Variants in WDR64 observed in about 807,000 individuals in gnomAD.
WDR64 encodes WD repeat-containing protein 64.
WDR64 carries 112 observed loss-of-function variants against 139.3 expected under a neutral mutation model. The observed-to-expected ratio is 0.80, with a 90% CI of 0.69 to 0.94. WDR64 has a LOEUF of 0.94. Among genes scored for constraint, WDR64 ranks in the 40% least tolerant of loss-of-function variants. The pLI is 0.00. For missense variants in WDR64, 1,206 were observed against 1,293.1 expected (o/e 0.93, Z 1.03); for synonymous variants, 444 against 437.7 (o/e 1.01, Z -0.18).
chr1:241,801,825 T>G lies in WDR64; in HGVS notation c.*610T>G, dbSNP rs1025800969. ...ATGGGTCATAGAAATAGAAAAAGCA[T>G]AGTAACATGGTAGATTTAACCTTAA... is the stretch of plus-strand genomic sequence containing the variant. On this transcript the variant is annotated 3_prime_UTR_variant, in exon 28 of 28. Coordinates refer to ENST00000437684, the MANE Select transcript of WDR64 (RefSeq NM_001367482.1). 2.0e-4 allele frequency: 78 copies of G among 398,076 alleles called. No individual in the cohort carries two copies. Among genetic ancestry groups the G allele is most frequent in the Non-Finnish European group, 3.3e-4 (74 of 225,906 alleles). 24.7% of individuals were successfully genotyped at this position (398,076 alleles called of 1,614,324 possible). A position where few individuals can be genotyped will look rare whatever the true frequency, so the allele number is the denominator to read the frequency against.
rs377324586 is a variant in WDR64, at chr1:241,790,941, AAG to A, written c.2997+251_2997+252del. Among the ~76,000 whole-genome samples the A allele has an allele frequency of 5.3e-3, 808 of 152,200 alleles. 9 individuals carry two copies. Among genetic ancestry groups the A allele is most frequent in the African/African-American group, 0.019 (769 of 41,506 alleles). Reference sequence around the variant, plus strand: ...AGCTGAGTTTCTTTCTGAAGGTTGTAAGAGAGAAGACCGTATTCCTTAGCTTT... The same window carrying A: ...AGCTGAGTTTCTTTCTGAAGGTTGTAAGAGAAGACCGTATTCCTTAGCTTT... On this transcript the variant is annotated intron_variant, in intron 25 of 27. Coordinates refer to ENST00000437684, the MANE Select transcript of WDR64 (RefSeq NM_001367482.1).
intron 8 of WDR64, among the ~76,000 whole-genome samples, chr1:241,708,722 T>TTTTTTTTG (rs1441820330): frequency 7.3e-6 from 1 of 137,594 alleles, no homozygotes; most frequent in Admixed American, 7.4e-5. Flanking sequence ...GTTTTTTTTT[T>TTTTTTTTG]TAAGGATTGG....
intron 25 of WDR64, among the ~76,000 whole-genome samples, chr1:241,793,029 G>A (rs1659252952): frequency 6.6e-6 from 1 of 152,108 alleles, no homozygotes; most frequent in Non-Finnish European, 1.5e-5. Flanking sequence ...TTCATAAACT[G>A]GAATACTATA....
chr1:241,690,073 C>T (rs1182938709), intron 8 of WDR64, among the ~76,000 whole-genome samples: 1 of 152,082 alleles, frequency 6.6e-6, no homozygotes, highest in African/African-American at 2.4e-5. Flanking sequence ...TAAAATGAGA[C>T]ACCAAACCCC....
intron 20 of WDR64, 47 bp from the exon 21 acceptor site, chr1:241,775,058 G>C (rs1012621048): frequency 7.1e-7 from 1 of 1,414,416 alleles, no homozygotes; most frequent in African/African-American, 1.4e-5. Flanking sequence ...GATTTTATAA[G>C]ACTTACTAGC....
intron 10 of WDR64, among the ~76,000 whole-genome samples, chr1:241,730,721 G>T (rs905040526): frequency 2.6e-5 from 4 of 152,166 alleles, no homozygotes; most frequent in African/African-American, 9.7e-5. Flanking sequence ...CCTGCTAAAT[G>T]CTTGAGAGTG....
intron 27 of WDR64, among the ~76,000 whole-genome samples, chr1:241,798,613 C>T (rs897765924): frequency 6.6e-6 from 1 of 152,120 alleles, no homozygotes; most frequent in Admixed American, 6.5e-5. Flanking sequence ...AGAAATTTCA[C>T]TTTTATGAAA....
chr1:241,745,974 A>G (rs767046634), intron 13 of WDR64, among the ~76,000 whole-genome samples: 5 of 152,250 alleles, frequency 3.3e-5, no homozygotes, highest in Non-Finnish European at 7.3e-5. Flanking sequence ...TGCATAACCC[A>G]GCAATGTATG....
At chr1:241,682,036 G>C (rs893568252) in intron 6 of WDR64, among the ~76,000 whole-genome samples, 3 of 152,050 alleles carry the variant, frequency 2.0e-5, no homozygotes, top group Non-Finnish European at 4.4e-5. Flanking sequence ...TTAGTCCTTT[G>C]TCAGATGTAG....
rs559749589 is a variant in WDR64, at chr1:241,783,348, T to C, written c.2672T>C (p.Val891Ala). The change falls in exon 23 of 28, where the codon GTG (valine) becomes GCG (alanine). Residue 891 changes from valine to alanine, a missense_variant. Physicochemically the swap from Val to Ala is moderately conservative, Grantham distance 64 (BLOSUM62 0). Coordinates refer to ENST00000437684, the MANE Select transcript of WDR64 (RefSeq NM_001367482.1). ...GTAATCTATGTAGAAGAAAAACAAG[T>C]GGTACTTACTGCCTCCATCGATGGC... ...IQVIYVEEKQVVLTASIDGSV... is the reference protein window; with the variant it reads ...IQVIYVEEKQAVLTASIDGSV... 34 of 1,614,058 alleles carry C rather than the reference T, an allele frequency of 2.1e-5. No individual in the cohort carries two copies. In the African/African-American group the frequency reaches 4.0e-4, roughly 19 times the overall value.
At chr1:241,779,871 G>A in intron 21 of WDR64, 133 bp from the exon 22 acceptor site, 1 of 591,240 alleles carries the variant, frequency 1.7e-6, no homozygotes, top group South Asian at 2.4e-5. Flanking sequence ...TGAAATTTCT[G>A]CTTTCATTTC....
chr1:241,752,866 C>A (rs12093684), intron 14 of WDR64, among the ~76,000 whole-genome samples: 7,158 of 152,002 alleles, frequency 0.047, 555 homozygotes, highest in African/African-American at 0.16. Context: ...GACACACACA[C>A]AAAAAACAAA....
intron 8 of WDR64, among the ~76,000 whole-genome samples, chr1:241,705,273 G>T (rs1219930343): frequency 6.6e-6 from 1 of 151,982 alleles, no homozygotes; most frequent in Non-Finnish European, 1.5e-5. Context: ...CGGGCGGGGT[G>T]GCTCACGCCT....
intron 8 of WDR64, among the ~76,000 whole-genome samples, chr1:241,704,656 A>G (rs1667864710): frequency 6.6e-6 from 1 of 152,224 alleles, no homozygotes; most frequent in African/African-American, 2.4e-5. Flanking sequence ...TAAAGGGCAA[A>G]TATCCTTAAG....
rs1358066429 is a variant in WDR64, at chr1:241,802,390, G to C, written c.*1175G>C. ...TAAAACAATGGTGGCCTCTGGAAGA[G>C]AGGGCAAATATCACAGAGAGATTTA... On this transcript the variant is annotated 3_prime_UTR_variant, in exon 28 of 28. Transcript: ENST00000437684. Among the ~76,000 whole-genome samples, 2 of 152,142 alleles carry C rather than the reference G, an allele frequency of 1.3e-5. No homozygotes were observed. Among genetic ancestry groups the C allele is most frequent in the African/African-American group, 2.4e-5 (1 of 41,454 alleles).
intron 10 of WDR64, among the ~76,000 whole-genome samples, chr1:241,724,888 A>C (rs574210011): frequency 6.6e-6 from 1 of 152,166 alleles, no homozygotes; most frequent in East Asian, 1.9e-4. Flanking sequence ...AATTCTCCCC[A>C]TTTTACACAC....
At chr1:241,784,662 A>G (rs1252185103) in intron 23 of WDR64, among the ~76,000 whole-genome samples, 2 of 152,144 alleles carry the variant, frequency 1.3e-5, no homozygotes, top group Non-Finnish European at 2.9e-5. Flanking sequence ...CCTCTGTAAG[A>G]AAGGACATCT....
Position 241,757,415 on chromosome 1 carries a change from G to C in WDR64, c.1903G>C (p.Asp635His), listed in dbSNP as rs777720334. The change falls in exon 15 of 28, where the codon GAT becomes CAT. Residue 635 changes from aspartate (D) to histidine (H), a missense_variant. Physicochemically the swap from Asp to His is moderately conservative, Grantham distance 81. Transcript: ENST00000437684. ...CAGGAACATGGCTATTCCTTTCCCA[G>C]ATGTCGAGTTGATAGTTGAGAGGAA... is the stretch of plus-strand genomic sequence containing the variant. The part of the protein sequence containing the change: ...RDRNMAIPFP[D>H]VELIVERNFS... The C allele has an allele frequency of 1.2e-5, 20 of 1,613,604 alleles. No individual in the cohort carries two copies. Among genetic ancestry groups the C allele is most frequent in the Non-Finnish European group, 1.6e-5 (19 of 1,179,754 alleles).
At chr1:241,723,564 C>A in intron 10 of WDR64, 128 bp downstream of exon 10, 1 of 1,081,256 alleles carries the variant, frequency 9.2e-7, no homozygotes, top group Non-Finnish European at 1.3e-6. Flanking sequence ...AAAATATTGT[C>A]AGTATGGAAA....
Sources: gnomAD v4.1 joint callset for allele counts (sites outside exome capture counted in the v4.1 genomes callset) on GRCh38, gnomAD v4.1.1 for gene constraint, MANE v1.5 for transcripts, NCBI Gene and HGNC (gene_info 2026-07-23, HGNC 2026-07-21) for gene names.